PCDHGB4: variants seen among roughly 807,000 people sequenced by gnomAD.
PCDHGB4 encodes the protein protocadherin gamma-B4.
A neutral mutation model predicts 60.5 loss-of-function variants in PCDHGB4; 38 were observed. The ratio of observed to expected loss-of-function variants is 0.63; its 90% CI spans 0.48 to 0.82. PCDHGB4 has a LOEUF of 0.82. Ranked by LOEUF, PCDHGB4 falls within the 40% of genes least tolerant of loss-of-function variation. The probability of loss-of-function intolerance (pLI) is 0.00; values close to 1 mark genes in which losing one functional copy is unlikely to be tolerated. For synonymous variants in PCDHGB4, 456 were observed against 509.7 expected (o/e 0.89, Z 1.42); for missense variants, 1,109 against 1,209.6 (o/e 0.92, Z 1.23).
At chr5:141,510,334 C>G (rs1463634534) in intron 3 of PCDHGB4, among the ~76,000 whole-genome samples, 1 of 151,448 alleles carries the variant, frequency 6.6e-6, no homozygotes, top group African/African-American at 2.4e-5. Context: ...TCTTCACCCC[C>G]ACCCCACACA....
chr5:141,508,829 C>G (rs370074494), intron 3 of PCDHGB4, among the ~76,000 whole-genome samples: 10 of 152,240 alleles, frequency 6.6e-5, no homozygotes, highest in Middle Eastern at 3.4e-3. Context: ...TCTGGGCCCC[C>G]CTCCCCTACC....
chr5:141,471,214 A>C (rs757487718), intron 1 of PCDHGB4: 2 of 149,606 alleles, frequency 1.3e-5, no homozygotes, highest in Non-Finnish European at 3.0e-5. Context: ...CATGCCTGGC[A>C]ATTTTTTTGT....
In PCDHGB4 at chr5:141,490,108, C is replaced by A; in HGVS notation, c.2398-4699C>A. The A allele has an allele frequency of 6.2e-7, 1 of 1,614,244 alleles. No homozygotes were observed. The highest frequency in any genetic ancestry group is 8.5e-7 in the Non-Finnish European group (1 of 1,180,034). On this transcript the variant is annotated intron_variant, in intron 1 of 3. Transcript: ENST00000519479. This position sits in a 1 kb window ranked among gnomAD's most constrained non-coding sequence, Gnocchi z 5.4. The stretch of plus-strand genomic sequence containing the variant: ...TGGAGACCACACATCTGAGGCAGTG[C>A]GGAACCTCTTTGGCCTAGACCCTAG...
intron 1 of PCDHGB4, chr5:141,409,285 T>G (rs773096828): frequency 6.2e-7 from 1 of 1,613,966 alleles, no homozygotes; most frequent in South Asian, 1.1e-5. Context: ...AGAATTCACC[T>G]CCAGGAATGG....
intron 1 of PCDHGB4, chr5:141,414,163 G>A (rs1455950284): frequency 5.6e-6 from 9 of 1,603,256 alleles, no homozygotes; most frequent in Non-Finnish European, 7.7e-6. Flanking sequence ...AGATGGAGGA[G>A]CATATCTTGC....
chr5:141,482,032 C>T (rs1370023352), intron 1 of PCDHGB4, among the ~76,000 whole-genome samples: 1 of 151,018 alleles, frequency 6.6e-6, no homozygotes, highest in African/African-American at 2.4e-5. Flanking sequence ...TTGCAGTGAG[C>T]CAAGATCATG....
intron 1 of PCDHGB4, 69 bp downstream of exon 1, chr5:141,390,350 A>G: frequency 6.4e-7 from 1 of 1,563,816 alleles, no homozygotes; most frequent in South Asian, 1.2e-5. Context: ...AAGAAAATAT[A>G]CATATTTGCA....
rs909444391 is a variant in PCDHGB4 at position 141,450,834 on chromosome 5, T to A, written c.2398-43973T>A. On this transcript the variant is annotated intron_variant, in intron 1 of 3. Transcript: ENST00000519479. ...TATTTAATATTATTATTATTATTTT[T>A]TTTTTTTTGAGATGGGGTCTTGCTC... is the stretch of plus-strand genomic sequence containing the variant. 1.2e-3 allele frequency among the ~76,000 whole-genome samples: 172 copies of A among 148,764 alleles called. 3 individuals are homozygous for A. The highest frequency in any genetic ancestry group is 4.1e-3 in the African/African-American group (166 of 40,236).
chr5:141,410,252 C>A, intron 1 of PCDHGB4: 2 of 1,613,998 alleles, frequency 1.2e-6, no homozygotes. Context: ...ACTCTCTGAC[C>A]CCCAGGCTGA....
intron 1 of PCDHGB4, among the ~76,000 whole-genome samples, chr5:141,461,288 A>G (rs1049761514): frequency 2.0e-5 from 3 of 152,092 alleles, no homozygotes; most frequent in Admixed American, 1.3e-4. Flanking sequence ...CCCCACATCC[A>G]CACCAACATC....
chr5:141,419,065 C>T (rs763008753), intron 1 of PCDHGB4: 3 of 1,613,904 alleles, frequency 1.9e-6, no homozygotes, highest in Non-Finnish European at 2.5e-6. Flanking sequence ...ATAATTACTA[C>T]AAGCTAGTAA....
chr5:141,397,974 C>A (rs1248429844), intron 1 of PCDHGB4: 3 of 1,174,340 alleles, frequency 2.6e-6, no homozygotes, highest in African/African-American at 1.6e-5. Flanking sequence ...TCCCCAGCGC[C>A]GGCCTTTACA....
At chr5:141,395,901 C>G (rs1019647060) in intron 1 of PCDHGB4, 6 of 152,046 alleles carry the variant, frequency 3.9e-5, no homozygotes, top group African/African-American at 1.4e-4. Flanking sequence ...GCTCCATGCC[C>G]ATGGAGACAT....
chr5:141,399,685 C>G (rs1344845350), intron 1 of PCDHGB4: 1 of 1,613,532 alleles, frequency 6.2e-7, no homozygotes, highest in African/African-American at 1.3e-5. Context: ...TGACTACGAG[C>G]AGCTGCGCAC....
chr5:141,420,547 G>A (rs898726649), intron 1 of PCDHGB4: 1 of 278,678 alleles, frequency 3.6e-6, no homozygotes, highest in Non-Finnish European at 6.4e-6. Context: ...TAAAATACAG[G>A]TATATTTTTA....
chr5:141,482,470 C>T (rs768383368), intron 1 of PCDHGB4, among the ~76,000 whole-genome samples: 8 of 137,876 alleles, frequency 5.8e-5, no homozygotes, highest in Non-Finnish European at 1.2e-4. Flanking sequence ...ATGTGCCAGA[C>T]ACTGTAAACA....
intron 1 of PCDHGB4, among the ~76,000 whole-genome samples, chr5:141,492,670 C>T (rs567661944): frequency 6.6e-6 from 1 of 152,344 alleles, no homozygotes; most frequent in South Asian, 2.1e-4. Context: ...CCCGGGACTC[C>T]GTCTCAAGGG....
chr5:141,405,265 C>T lies in PCDHGB4; in HGVS notation c.2397+14984C>T, dbSNP rs769240639. The T allele has an allele frequency of 4.3e-6, 7 of 1,614,106 alleles. No homozygotes were observed. In the Admixed American group the frequency reaches 1.2e-4, roughly 27 times the overall value. Reference sequence around the variant, plus strand: ...CAAGGAAGAGTCACCTGATCTTCCCCCAGCCCAACTATGCAGACACACTCA... The same window carrying T: ...CAAGGAAGAGTCACCTGATCTTCCCTCAGCCCAACTATGCAGACACACTCA... On this transcript the variant is annotated intron_variant, in intron 1 of 3. Coordinates refer to ENST00000519479, the MANE Select transcript of PCDHGB4 (RefSeq NM_003736.4).
chr5:141,413,645 C>T, intron 1 of PCDHGB4: 9 of 1,613,834 alleles, frequency 5.6e-6, no homozygotes, highest in Non-Finnish European at 7.6e-6. Context: ...ATGCGTTTTC[C>T]TCTCCCGGAA....
Sources: allele counts gnomAD v4.1 joint callset (sites outside exome capture counted in the v4.1 genomes callset), GRCh38; gene constraint gnomAD v4.1.1; non-coding constraint Gnocchi (gnomAD v3.1); transcripts MANE v1.5; gene names NCBI Gene and HGNC (gene_info 2026-07-23, HGNC 2026-07-21).